ARHGAP6: variants seen among roughly 807,000 people sequenced by gnomAD.
The protein encoded by ARHGAP6 is Rho GTPase activating protein 6.
A neutral mutation model predicts 55.7 loss-of-function variants in ARHGAP6; 16 were observed. The observed-to-expected ratio is 0.29, with a 90% CI of 0.19 to 0.44. ARHGAP6 has a LOEUF of 0.44. Among genes scored for constraint, ARHGAP6 ranks in the 20% least tolerant of loss-of-function variants. The pLI is 1.00. For synonymous variants in ARHGAP6, 382 were observed against 360.9 expected (o/e 1.06, Z -0.66); for missense variants, 698 against 808.9 (o/e 0.86, Z 1.66).
intron 2 of ARHGAP6, among the ~76,000 whole-genome samples, chrX:11,210,238 C>T (rs761269738): frequency 1.8e-5 from 2 of 112,722 alleles, no homozygotes; most frequent in Non-Finnish European, 3.7e-5. Flanking sequence ...AAGCATACCT[C>T]TTCACTGCCT....
chrX:11,199,839 G>A (rs1341934949), intron 2 of ARHGAP6, among the ~76,000 whole-genome samples: 3 of 112,454 alleles, frequency 2.7e-5, no homozygotes, highest in African/African-American at 3.2e-5. Context: ...GTGCAATAAT[G>A]TGAAATGAAG....
At chrX:11,366,788 A>G (rs1259897100) in intron 1 of ARHGAP6, among the ~76,000 whole-genome samples, 1 of 112,047 alleles carries the variant, frequency 8.9e-6, no homozygotes, top group Non-Finnish European at 1.9e-5. Flanking sequence ...GTAACTTTAC[A>G]ATGGATATCT....
At position 11,456,086 on chromosome X, in the gene ARHGAP6, A is replaced by G. The variant is rs182236609; in HGVS notation, c.589-201379T>C. ...ATAAACTTTCAGCCAGCAGTTGTAA[A>G]CTGTAATATTAAAAACTGTGCCATT... On this transcript the variant is annotated intron_variant, in intron 1 of 12. Coordinates refer to ENST00000337414, the MANE Select transcript of ARHGAP6 (RefSeq NM_013427.3). 1.3e-3 allele frequency among the ~76,000 whole-genome samples: 149 copies of G among 112,095 alleles called. 1 individual carries two copies. Among genetic ancestry groups the G allele is most frequent in the African/African-American group, 4.5e-3 (139 of 30,935 alleles).
At chrX:11,299,114 A>G (rs1188910414) in intron 1 of ARHGAP6, 1 of 794,734 alleles carries the variant, frequency 1.3e-6, no homozygotes, top group East Asian at 3.5e-5. Context: ...AGTCCAAGCA[A>G]TATGCTATAC....
chrX:11,221,588 A>C (rs2046972137), intron 2 of ARHGAP6, among the ~76,000 whole-genome samples: 1 of 111,616 alleles, frequency 9.0e-6, no homozygotes, highest in Non-Finnish European at 1.9e-5. Context: ...TGGGCAAGTG[A>C]GAGGGATGGC....
chrX:11,294,153 G>A lies in ARHGAP6; in HGVS notation c.589-39446C>T, dbSNP rs750389899. ...TTCATTGAAGAATCACATAAAATTC[G>A]TACCATCCTCTCCTGTTGGTTCAGC... is the stretch of plus-strand genomic sequence containing the variant. On this transcript the variant is annotated intron_variant, in intron 1 of 12. Transcript: ENST00000337414. Among the ~76,000 whole-genome samples the A allele has an allele frequency of 6.2e-5, 7 of 112,379 alleles. No homozygotes were observed. The South Asian group carries it at 1.1e-3, about 18-fold the overall frequency.
chrX:11,421,736 G>A (rs1250974617), intron 1 of ARHGAP6, among the ~76,000 whole-genome samples: 2 of 111,495 alleles, frequency 1.8e-5, no homozygotes, highest in African/African-American at 6.5e-5. Flanking sequence ...GTGGTTCACC[G>A]TGTAAATTAA....
chrX:11,194,576 T>C (rs2046505325), intron 3 of ARHGAP6, among the ~76,000 whole-genome samples: 2 of 111,595 alleles, frequency 1.8e-5, no homozygotes, highest in African/African-American at 6.5e-5. Context: ...TGTCTGAAGA[T>C]ATTTGGGTTG....
At chrX:11,192,439 C>T (rs929443143) in intron 3 of ARHGAP6, among the ~76,000 whole-genome samples, 2 of 111,742 alleles carry the variant, frequency 1.8e-5, no homozygotes, top group African/African-American at 6.5e-5. Flanking sequence ...CCCTTCCTAA[C>T]CTTCTCAGAA....
chrX:11,563,589 T>C (rs753309375), intron 1 of ARHGAP6, among the ~76,000 whole-genome samples: 1 of 111,337 alleles, frequency 9.0e-6, no homozygotes, highest in Non-Finnish European at 1.9e-5. Context: ...GAATAGCACA[T>C]CTCTGCAAAG....
intron 1 of ARHGAP6, among the ~76,000 whole-genome samples, chrX:11,468,053 T>C (rs1380241351): frequency 9.0e-6 from 1 of 110,683 alleles, no homozygotes; most frequent in Non-Finnish European, 1.9e-5. Flanking sequence ...CAAAGCTAAC[T>C]GATGGTGGTA....
At chrX:11,441,746 T>A (rs912295368) in intron 1 of ARHGAP6, among the ~76,000 whole-genome samples, 3 of 111,760 alleles carry the variant, frequency 2.7e-5, no homozygotes, top group African/African-American at 6.5e-5. Flanking sequence ...ATATTTGGAT[T>A]TCTTTTTAAA....
chrX:11,610,535 G>A (rs1042655061), intron 1 of ARHGAP6, among the ~76,000 whole-genome samples: 14 of 111,672 alleles, frequency 1.3e-4, no homozygotes, highest in African/African-American at 3.9e-4. Context: ...AAGTGCCCAT[G>A]GTAATGATGC....
rs1603000579 is a variant in ARHGAP6, at chrX:11,275,529, T to C, written c.589-20822A>G. Among the ~76,000 whole-genome samples the C allele has an allele frequency of 1.8e-5, 2 of 111,650 alleles. 1 individual carries two copies. ...CCTCATTAAAAACTGTCCTTTCCTT[T>C]AACACTTCCTCTCTGGGAATGTCCA... On this transcript the variant is annotated intron_variant, in intron 1 of 12. Transcript: ENST00000337414.
intron 1 of ARHGAP6, among the ~76,000 whole-genome samples, chrX:11,421,330 C>A (rs915606587): frequency 8.9e-6 from 1 of 112,267 alleles, no homozygotes; most frequent in African/African-American, 3.2e-5. Flanking sequence ...CTGGACAACT[C>A]CTTGTTGGGT....
chrX:11,292,859 T>A (rs2048018656), intron 1 of ARHGAP6, among the ~76,000 whole-genome samples: 1 of 111,202 alleles, frequency 9.0e-6, no homozygotes. Flanking sequence ...GATAAAGGAG[T>A]AGCCAAGGGG....
intron 2 of ARHGAP6, among the ~76,000 whole-genome samples, chrX:11,239,031 A>G (rs2047240037): frequency 8.9e-6 from 1 of 112,281 alleles, no homozygotes. Context: ...TTAGTGTGGA[A>G]ACTGGTGAAA....
chrX:11,434,125 C>G (rs960437771), intron 1 of ARHGAP6, among the ~76,000 whole-genome samples: 3 of 111,855 alleles, frequency 2.7e-5, no homozygotes, highest in African/African-American at 9.8e-5. Flanking sequence ...TGGGTGGAGA[C>G]CAGAGATGCT....
intron 1 of ARHGAP6, among the ~76,000 whole-genome samples, chrX:11,265,516 G>T (rs1012839003): frequency 6.3e-5 from 7 of 111,479 alleles, no homozygotes; most frequent in Non-Finnish European, 1.1e-4. Flanking sequence ...TAAAAATAAG[G>T]TTCTCATAAA....
Sources: allele counts gnomAD v4.1 joint callset (sites outside exome capture counted in the v4.1 genomes callset), GRCh38; gene constraint gnomAD v4.1.1; transcripts MANE v1.5; gene names NCBI Gene and HGNC (gene_info 2026-07-23, HGNC 2026-07-21).